Variants in B4GALT7 observed in about 807,000 individuals in gnomAD.
B4GALT7 encodes UDP-Gal:beta-GlcNAc beta-1,4-galactosyltransferase 7.
In B4GALT7, 30 loss-of-function variants were observed where a neutral mutation model predicts 33.0. That is an observed-to-expected ratio of 0.91 (90% CI 0.68 to 1.23). B4GALT7 has a LOEUF of 1.23. B4GALT7 is among the 50% of genes most tolerant of loss of function. The pLI, the probability that B4GALT7 is intolerant of heterozygous loss-of-function variation, is 0.00. For missense variants in B4GALT7, 507 were observed against 450.8 expected (o/e 1.12, Z -1.13); for synonymous variants, 213 against 187.2 (o/e 1.14, Z -1.13).
chr5:177,601,893 G>A (rs1481247108), intron 1 of B4GALT7, among the ~76,000 whole-genome samples: 2 of 152,214 alleles, frequency 1.3e-5, no homozygotes, highest in Non-Finnish European at 2.9e-5. Context: ...TGTGCTCTTA[G>A]AGCACAGGAT....
chr5:177,605,133 C>A (rs538010270), intron 2 of B4GALT7: 6 of 416,268 alleles, frequency 1.4e-5, no homozygotes, highest in Admixed American at 8.2e-5. Context: ...CCCAGACCCC[C>A]CCCTTTTCCC....
chr5:177,603,206 T>C, intron 1 of B4GALT7: 1 of 985,388 alleles, frequency 1.0e-6, no homozygotes, highest in South Asian at 4.7e-5. Flanking sequence ...TAAGACCTGA[T>C]AGCTAATCGC....
rs554910226 is a variant in B4GALT7, at chr5:177,608,757, G to A, written c.723+135G>A. 121 of 1,113,352 alleles carry A rather than the reference G, an allele frequency of 1.1e-4. No homozygotes were observed. The African/African-American group carries it at 1.7e-3, about 16-fold the overall frequency. 69.0% of individuals were successfully genotyped at this position (1,113,352 alleles called of 1,614,324 possible). ...TCCCTGCCCTAACCCTGCCCTGCATGGTCATCTAGCCAGTTCCTTGCCCTG... is the reference window on the plus strand; with the variant it reads ...TCCCTGCCCTAACCCTGCCCTGCATAGTCATCTAGCCAGTTCCTTGCCCTG... On this transcript the variant is annotated intron_variant, in intron 4 of 5. Transcript: ENST00000029410. This position sits in a 1 kb window ranked among gnomAD's most constrained non-coding sequence, Gnocchi z 4.1.
In B4GALT7 at chr5:177,600,192, G is replaced by T; in HGVS notation, c.-19G>T. On this transcript the variant is annotated 5_prime_UTR_variant, in exon 1 of 6. Coordinates refer to ENST00000029410, the MANE Select transcript of B4GALT7 (RefSeq NM_007255.3). This position sits in a 1 kb window ranked among gnomAD's most constrained non-coding sequence, Gnocchi z 4.4. The stretch of plus-strand genomic sequence containing the variant: ...CGGGCTGCGAGCGCCTGCCCCATGC[G>T]CCGCCGCCTCTCCGCACGATGTTCC... 2 of 1,353,056 alleles carry T rather than the reference G, an allele frequency of 1.5e-6. No individual in the cohort carries two copies. Among genetic ancestry groups the T allele is most frequent in the Non-Finnish European group, 1.9e-6 (2 of 1,046,476 alleles). The allele number at this position is 1,353,056 out of a possible 1,614,324, so 83.8% of individuals were successfully genotyped here.
rs758058316 is a variant in B4GALT7, at chr5:177,604,488, C to T, written c.360C>T (p.Ser120=). ...VFVPHMRRFL[S]RKKIRHHIYV... is the part of the protein sequence containing the mutation. Reference sequence around the variant, plus strand: ...TGCCCCACATGCGCCGCTTCCTGAGCAGGAAGAAGATCCGGCACCACATCT... The same window carrying T: ...TGCCCCACATGCGCCGCTTCCTGAGTAGGAAGAAGATCCGGCACCACATCT... Residue 120 remains serine (S), a synonymous_variant, in exon 2 of 6, where the codon AGC becomes AGT. Transcript: ENST00000029410. The T allele has an allele frequency of 1.9e-6, 3 of 1,614,000 alleles. No individual in the cohort carries two copies. Among genetic ancestry groups the T allele is most frequent in the South Asian group, 2.2e-5 (2 of 91,090 alleles).
At chr5:177,609,295 G>T (rs1300595896) in intron 5 of B4GALT7, among the ~76,000 whole-genome samples, 1 of 152,184 alleles carries the variant, frequency 6.6e-6, no homozygotes, top group Non-Finnish European at 1.5e-5. Context: ...CCACACCCGG[G>T]ATGCAGGGAT....
intron 1 of B4GALT7, among the ~76,000 whole-genome samples, chr5:177,601,070 C>T (rs541948588): frequency 4.7e-4 from 72 of 152,266 alleles, no homozygotes; most frequent in African/African-American, 1.6e-3. Context: ...ATCTCCTCCT[C>T]GTGAATGACA....
At position 177,608,429 on chromosome 5, in the gene B4GALT7, G is replaced by T. The variant is rs750727276; in HGVS notation, c.640-110G>T. The T allele has an allele frequency of 1.0e-6, 1 of 973,904 alleles. No homozygotes were observed. 60.3% of individuals were successfully genotyped at this position (973,904 alleles called of 1,614,324 possible). ...GAAGTGCAGGAGCCTGCAAGCACCC[G>T]GGGCTTATTCAGAGGCGCTGGGGGA... is the stretch of plus-strand genomic sequence containing the variant. On this transcript the variant is annotated intron_variant, in intron 3 of 5. Transcript: ENST00000029410. This position sits in a 1 kb window ranked among gnomAD's most constrained non-coding sequence, Gnocchi z 4.1.
At position 177,610,103 on chromosome 5, in the gene B4GALT7, C is replaced by T. The variant is rs1269816900; in HGVS notation, c.*408C>T. 4 of 245,386 alleles carry T rather than the reference C, an allele frequency of 1.6e-5. No homozygotes were observed. Among genetic ancestry groups the T allele is most frequent in the East Asian group, 9.8e-5 (1 of 10,256 alleles). The allele number at this position is 245,386 out of a possible 1,614,324, so 15.2% of individuals were successfully genotyped here. The stretch of plus-strand genomic sequence containing the variant: ...CACAGTGTAGGGGCCATGCAGCTGG[C>T]GTAGGTGGCAGTTGGGCCTGGTGAG... On this transcript the variant is annotated 3_prime_UTR_variant, in exon 6 of 6. Transcript: ENST00000029410.
At chr5:177,602,190 G>T (rs1296425972) in intron 1 of B4GALT7, among the ~76,000 whole-genome samples, 2 of 152,134 alleles carry the variant, frequency 1.3e-5, no homozygotes, top group African/African-American at 2.4e-5. Context: ...CAGGATAATG[G>T]GGGGTAAGTC....
chr5:177,609,317 A>T (rs1768109357), intron 5 of B4GALT7, among the ~76,000 whole-genome samples: 1 of 152,094 alleles, frequency 6.6e-6, no homozygotes, highest in African/African-American at 2.4e-5. Flanking sequence ...CCACCCTCAA[A>T]CAGCCCCTTC....
rs1348858046 is a variant in B4GALT7, at chr5:177,608,590, T to C, written c.691T>C (p.Phe231Leu). The change falls in exon 4 of 6, where the codon TTC (phenylalanine) becomes CTC (leucine). Residue 231 changes from phenylalanine to leucine, a missense_variant. Coordinates refer to ENST00000029410, the MANE Select transcript of B4GALT7 (RefSeq NM_007255.3). This position sits in a 1 kb window ranked among gnomAD's most constrained non-coding sequence, Gnocchi z 4.1. Reference sequence around the variant, plus strand: ...GGGCTGGGGCCGCGAGGACGACGAGTTCTACCGGCGCATTAAGGGAGCTGG... The same window carrying C: ...GGGCTGGGGCCGCGAGGACGACGAGCTCTACCGGCGCATTAAGGGAGCTGG... Reference protein sequence around the residue: ...FWGWGREDDEFYRRIKGAGLQ... With the variant: ...FWGWGREDDELYRRIKGAGLQ... The C allele has an allele frequency of 3.1e-6, 5 of 1,612,166 alleles. No homozygotes were observed. In the African/African-American group the frequency reaches 5.4e-5, roughly 17 times the overall value.
In B4GALT7 at chr5:177,608,165, A is replaced by T. The variant is rs868766495; in HGVS notation, c.640-374A>T. 5.8e-5 allele frequency: 16 copies of T among 277,576 alleles called. No homozygotes were observed. The highest frequency in any genetic ancestry group is 2.6e-3 in the Middle Eastern group (2 of 784). The allele number at this position is 277,576 out of a possible 1,614,324, so 17.2% of individuals were successfully genotyped here. A position where few individuals can be genotyped will look rare whatever the true frequency, so the allele number is the denominator to read the frequency against. The stretch of plus-strand genomic sequence containing the variant: ...TGCAAGAATGGGTGTCTGTCATGGA[A>T]CCCTGCTACCCCTCTCACACACACA... On this transcript the variant is annotated intron_variant, in intron 3 of 5. Coordinates refer to ENST00000029410, the MANE Select transcript of B4GALT7 (RefSeq NM_007255.3). The surrounding 1 kb of genome is among the most constrained non-coding windows in gnomAD (Gnocchi z 4.1).
In B4GALT7 at chr5:177,604,294, G is replaced by A. The variant is rs775736128; in HGVS notation, c.166G>A (p.Asp56Asn). The A allele has an allele frequency of 3.1e-6, 5 of 1,612,110 alleles. No homozygotes were observed. Among genetic ancestry groups the A allele is most frequent in the Non-Finnish European group, 4.2e-6 (5 of 1,179,138 alleles). Residue 56 changes from aspartate to asparagine, a missense_variant, in exon 2 of 6, where the codon GAC becomes AAC. Transcript: ENST00000029410. ...LLWLQLSCSG[D>N]VARAVRGQGQ... ...CTGGCTGCAGCTCAGCTGCTCTGGGGACGTGGCCCGGGCAGTCAGGGGACA... is the reference window on the plus strand; with the variant it reads ...CTGGCTGCAGCTCAGCTGCTCTGGGAACGTGGCCCGGGCAGTCAGGGGACA...
At position 177,608,669 on chromosome 5, in the gene B4GALT7, C is replaced by G. The variant is rs542758474; in HGVS notation, c.723+47C>G. ...CGCCACCTCAGCTGCGGTGGCTGCC[C>G]TGAGATTTTCTTCTGTTTCCTCAGA... On this transcript the variant is annotated intron_variant, in intron 4 of 5. Coordinates refer to ENST00000029410, the MANE Select transcript of B4GALT7 (RefSeq NM_007255.3). The surrounding 1 kb of genome is among the most constrained non-coding windows in gnomAD (Gnocchi z 4.1). The G allele has an allele frequency of 6.5e-7, 1 of 1,542,726 alleles. No homozygotes were observed. Among genetic ancestry groups the G allele is most frequent in the South Asian group, 1.1e-5 (1 of 89,396 alleles).
Position 177,600,854 on chromosome 5 carries a change from T to G in B4GALT7, c.50+594T>G, listed in dbSNP as rs1767826312. 6.6e-6 allele frequency among the ~76,000 whole-genome samples: 1 copy of G among 152,196 alleles called. No homozygotes were observed. Among genetic ancestry groups the G allele is most frequent in the Non-Finnish European group, 1.5e-5 (1 of 68,028 alleles). The stretch of plus-strand genomic sequence containing the variant: ...GTGCTCTGCCTGGCTGGTCACTGCC[T>G]GGCACGTACTAGACACTCCTTATAC... On this transcript the variant is annotated intron_variant, in intron 1 of 5. Coordinates refer to ENST00000029410, the MANE Select transcript of B4GALT7 (RefSeq NM_007255.3). This position sits in a 1 kb window ranked among gnomAD's most constrained non-coding sequence, Gnocchi z 4.4.
In B4GALT7 at chr5:177,600,224, G is replaced by T. The variant is rs1392230207; in HGVS notation, c.14G>T (p.Arg5Leu). 7.2e-7 allele frequency: 1 copy of T among 1,392,742 alleles called. No homozygotes were observed. Among genetic ancestry groups the T allele is most frequent in the Non-Finnish European group, 9.4e-7 (1 of 1,066,990 alleles). The allele number at this position is 1,392,742 out of a possible 1,614,324, so 86.3% of individuals were successfully genotyped here. Residue 5 changes from arginine to leucine, a missense_variant, in exon 1 of 6, where the codon CGG (arginine) becomes CTG (leucine). Coordinates refer to ENST00000029410, the MANE Select transcript of B4GALT7 (RefSeq NM_007255.3). The surrounding 1 kb of genome is among the most constrained non-coding windows in gnomAD (Gnocchi z 4.4). ...CCTCTCCGCACGATGTTCCCCTCGC[G>T]GAGGAAAGCGGCGCAGCTGCCCTGG... Reference protein sequence around the residue: MFPSRRKAAQLPWED... With the variant: MFPSLRKAAQLPWED...
In B4GALT7 at chr5:177,609,585, T is replaced by A; in HGVS notation, c.874T>A (p.Tyr292Asn). 1 of 1,613,860 alleles carries A rather than the reference T, an allele frequency of 6.2e-7. No homozygotes were observed. The highest frequency in any genetic ancestry group is 8.5e-7 in the Non-Finnish European group (1 of 1,180,038). ...GGAGGGAGGCCTGAACACTGTGAAG[T>A]ACCATGTGGCTTCCCGCACTGCCCT... ...DREGGLNTVK[Y>N]HVASRTALSV... Residue 292 changes from tyrosine (Y) to asparagine (N), a missense_variant, in exon 6 of 6, where the codon TAC (tyrosine) becomes AAC (asparagine). By Grantham distance (143) the Tyr-to-Asn change is moderately radical (BLOSUM62 -2). Transcript: ENST00000029410.
chr5:177,609,704 G>C lies in B4GALT7; in HGVS notation c.*9G>C, dbSNP rs1325469418. 1 of 1,597,858 alleles carries C rather than the reference G, an allele frequency of 6.3e-7. No individual in the cohort carries two copies. The highest frequency in any genetic ancestry group is 8.5e-7 in the Non-Finnish European group (1 of 1,172,324). Reference sequence around the variant, plus strand: ...GGTGCACATTCAGCTGAGCTGGATGGACAGTGAGGAAGCCTGTACCTACAG... The same window carrying C: ...GGTGCACATTCAGCTGAGCTGGATGCACAGTGAGGAAGCCTGTACCTACAG... On this transcript the variant is annotated 3_prime_UTR_variant, in exon 6 of 6. Coordinates refer to ENST00000029410, the MANE Select transcript of B4GALT7 (RefSeq NM_007255.3).
Sources: allele counts gnomAD v4.1 joint callset (sites outside exome capture counted in the v4.1 genomes callset), GRCh38; gene constraint gnomAD v4.1.1; non-coding constraint Gnocchi (gnomAD v3.1); transcripts MANE v1.5; gene names NCBI Gene and HGNC (gene_info 2026-07-23, HGNC 2026-07-21).